GFUS: variants seen among roughly 807,000 people sequenced by gnomAD.
The protein encoded by GFUS is 3-5 epimerase/4-reductase.
Under a neutral mutation model 41.5 loss-of-function variants are expected in GFUS, and 42 were observed. That is an observed-to-expected ratio of 1.01 (90% CI 0.79 to 1.31). The LOEUF is 1.31. Ranked by LOEUF, GFUS falls within the 50% of genes most tolerant of loss-of-function variation. GFUS has a pLI of 0.00. For missense variants in GFUS, 437 were observed against 428.7 expected, an observed-to-expected ratio of 1.02 and a Z score of -0.17; for synonymous variants, 188 against 173.4, an observed-to-expected ratio of 1.08 and a Z score of -0.66.
intron 2 of GFUS, 52 bp from the exon 3 acceptor site, chr8:143,616,272 G>A: frequency 1.3e-6 from 2 of 1,554,540 alleles, no homozygotes; most frequent in South Asian, 1.1e-5. Flanking sequence ...GCACCCCAGG[G>A]TTGGGTGCCA....
chr8:143,615,910 G>T (rs982535864), intron 3 of GFUS, 196 bp downstream of exon 3: 3 of 495,842 alleles, frequency 6.1e-6, no homozygotes, highest in Non-Finnish European at 1.1e-5. Flanking sequence ...CCCCCTGCAT[G>T]GCCCTCTGTC....
chr8:143,616,442 T>C, intron 2 of GFUS, 125 bp downstream of exon 2: 1 of 1,484,686 alleles, frequency 6.7e-7, no homozygotes, highest in Admixed American at 1.7e-5. Flanking sequence ...GCCAGCCACC[T>C]GGCAGGAAGG....
At chr8:143,617,117 C>T (rs1398351601) in intron 1 of GFUS, 1 of 219,852 alleles carries the variant, frequency 4.5e-6, no homozygotes, top group Admixed American at 5.0e-5. Flanking sequence ...CACGAGACGG[C>T]GCCTGTGTGC....
chr8:143,613,650 G>A, intron 8 of GFUS, 47 bp from the exon 9 acceptor site: 1 of 1,601,492 alleles, frequency 6.2e-7, no homozygotes, highest in Non-Finnish European at 8.5e-7. Context: ...CCACCCGACG[G>A]CCCATGAATA....
intron 4 of GFUS, 28 bp downstream of exon 4, chr8:143,614,759 C>T: frequency 6.2e-7 from 1 of 1,613,422 alleles, no homozygotes; most frequent in African/African-American, 1.3e-5. Context: ...CTCCCCGGCC[C>T]CACCCACAGC....
intron 7 of GFUS, 125 bp from the exon 8 acceptor site, chr8:143,613,942 C>G: frequency 8.2e-7 from 1 of 1,217,868 alleles, no homozygotes; most frequent in Non-Finnish European, 1.2e-6. Flanking sequence ...ACAGGGGTCC[C>G]TCCTTTCTCC....
At position 143,614,248 on chromosome 8, in the gene GFUS, G is replaced by A. The variant is rs1829658858; in HGVS notation, c.599-20C>T. 1.2e-6 allele frequency: 2 copies of A among 1,613,778 alleles called. No individual in the cohort carries two copies. Among genetic ancestry groups the A allele is most frequent in the East Asian group, 2.2e-5 (1 of 44,890 alleles). Reference sequence around the variant, plus strand: ...CGCTGCCTGCAGATTTGGGGAAGGAGCAGGTGTCAGAGGCACTGGGTCACC... The same window carrying A: ...CGCTGCCTGCAGATTTGGGGAAGGAACAGGTGTCAGAGGCACTGGGTCACC... On this transcript the variant is annotated intron_variant, in intron 6 of 10. Coordinates refer to ENST00000425753, the MANE Select transcript of GFUS (RefSeq NM_003313.4).
chr8:143,613,077 C>T, intron 10 of GFUS, 112 bp from the exon 11 acceptor site: 1 of 1,551,244 alleles, frequency 6.4e-7, no homozygotes, highest in Non-Finnish European at 8.8e-7. Flanking sequence ...GCTTTGGTGT[C>T]CCACCTCCAG....
chr8:143,614,567 C>T lies in GFUS; in HGVS notation c.464+57G>A, dbSNP rs900428555. On this transcript the variant is annotated intron_variant, in intron 5 of 10. Transcript: ENST00000425753. ...GACCCGACCAGCCGGCCCCACCCGC[C>T]CCTGGGGGCCCTCTCCCCGACTCCT... is the stretch of plus-strand genomic sequence containing the variant. 7.7e-6 allele frequency: 12 copies of T among 1,558,226 alleles called. No individual in the cohort carries two copies. In the African/African-American group the frequency reaches 1.4e-4, roughly 18 times the overall value.
chr8:143,617,027 G>GTA, intron 1 of GFUS: 8 of 398,938 alleles, frequency 2.0e-5, no homozygotes, highest in Admixed American at 3.7e-5. Flanking sequence ...CAAGAGGGGA[G>GTA]GCAGACAACC....
intron 4 of GFUS, 24 bp from the exon 5 acceptor site, chr8:143,614,721 G>A (rs1829679003): frequency 6.2e-7 from 1 of 1,612,980 alleles, no homozygotes; most frequent in African/African-American, 1.3e-5. Context: ...AGAGGCAGAG[G>A]CCGCTACTTC....
chr8:143,614,987 C>A, intron 3 of GFUS, 72 bp from the exon 4 acceptor site: 1 of 1,538,018 alleles, frequency 6.5e-7, no homozygotes, highest in South Asian at 1.3e-5. Flanking sequence ...CCTCCAGACG[C>A]AGAAGTGGAG....
intron 1 of GFUS, 168 bp from the exon 2 acceptor site, chr8:143,616,891 C>G (rs1024784790): frequency 2.6e-6 from 2 of 772,948 alleles, no homozygotes; most frequent in African/African-American, 3.5e-5. Flanking sequence ...AGCCCTGTTC[C>G]CCTGGGAGCT....
rs1447897496 is a variant in GFUS at position 143,612,819 on chromosome 8, G to A, written c.*91C>T. The A allele has an allele frequency of 2.7e-5, 39 of 1,470,394 alleles. No individual in the cohort carries two copies. Among genetic ancestry groups the A allele is most frequent in the Non-Finnish European group, 3.6e-5 (39 of 1,084,832 alleles). 91.1% of individuals were successfully genotyped at this position (1,470,394 alleles called of 1,614,324 possible). ...GGAATGCAGGCCCAGGTTGCTGGGT[G>A]GTGCCCTCAGCTCCTGGCAGGGTTG... On this transcript the variant is annotated 3_prime_UTR_variant, in exon 11 of 11. Coordinates refer to ENST00000425753, the MANE Select transcript of GFUS (RefSeq NM_003313.4).
chr8:143,612,890 C>T lies in GFUS; in HGVS notation c.*20G>A, dbSNP rs772070682. Reference sequence around the variant, plus strand: ...TCTGCCAGCCGATGGTCCGCTGGCACCTGATCCTGTCTTCCAGCTTCACTT... The same window carrying T: ...TCTGCCAGCCGATGGTCCGCTGGCATCTGATCCTGTCTTCCAGCTTCACTT... On this transcript the variant is annotated 3_prime_UTR_variant, in exon 11 of 11. Coordinates refer to ENST00000425753, the MANE Select transcript of GFUS (RefSeq NM_003313.4). 3.7e-6 allele frequency: 6 copies of T among 1,601,152 alleles called. No individual in the cohort carries two copies. The highest frequency in any genetic ancestry group is 5.1e-6 in the Non-Finnish European group (6 of 1,175,070).
chr8:143,615,724 G>C (rs1240879056), intron 3 of GFUS, among the ~76,000 whole-genome samples: 1 of 152,178 alleles, frequency 6.6e-6, no homozygotes, highest in Non-Finnish European at 1.5e-5. Context: ...GTGTGTGGTG[G>C]GCCCGGCTAA....
Position 143,612,814 on chromosome 8 carries a change from T to C in GFUS, c.*96A>G. The stretch of plus-strand genomic sequence containing the variant: ...CGGATGGAATGCAGGCCCAGGTTGC[T>C]GGGTGGTGCCCTCAGCTCCTGGCAG... On this transcript the variant is annotated 3_prime_UTR_variant, in exon 11 of 11. Coordinates refer to ENST00000425753, the MANE Select transcript of GFUS (RefSeq NM_003313.4). 6.9e-7 allele frequency: 1 copy of C among 1,454,744 alleles called. No individual in the cohort carries two copies. Among genetic ancestry groups the C allele is most frequent in the South Asian group, 1.2e-5 (1 of 81,732 alleles). 90.1% of individuals were successfully genotyped at this position (1,454,744 alleles called of 1,614,324 possible).
chr8:143,613,181 G>C lies in GFUS; in HGVS notation c.910+15C>G. The C allele has an allele frequency of 6.2e-7, 1 of 1,612,158 alleles. No individual in the cohort carries two copies. Among genetic ancestry groups the C allele is most frequent in the Non-Finnish European group, 8.5e-7 (1 of 1,178,762 alleles). ...AGGCCTCCACCAAGTGGAGGGCTGTGGGGTCAGGGCTCACCCTGCTTGAAG... is the reference window on the plus strand; with the variant it reads ...AGGCCTCCACCAAGTGGAGGGCTGTCGGGTCAGGGCTCACCCTGCTTGAAG... On this transcript the variant is annotated intron_variant, in intron 10 of 10. Coordinates refer to ENST00000425753, the MANE Select transcript of GFUS (RefSeq NM_003313.4).
Position 143,613,165 on chromosome 8 carries a change from C to T in GFUS, c.910+31G>A, listed in dbSNP as rs6995499. The stretch of plus-strand genomic sequence containing the variant: ...AGGGAGGGGCTGGGGCAGGCCTCCA[C>T]CAAGTGGAGGGCTGTGGGGTCAGGG... On this transcript the variant is annotated intron_variant, in intron 10 of 10. Transcript: ENST00000425753. 1.9e-3 allele frequency: 3,038 copies of T among 1,607,144 alleles called. 32 individuals carry two copies. In the African/African-American group the frequency reaches 0.025, roughly 13 times the overall value.
Sources: gnomAD v4.1 joint callset for allele counts (sites outside exome capture counted in the v4.1 genomes callset) on GRCh38, gnomAD v4.1.1 for gene constraint, MANE v1.5 for transcripts, NCBI Gene and HGNC (gene_info 2026-07-23, HGNC 2026-07-21) for gene names.